The following DGLUCY variants were observed in gnomAD, a reference collection of about 807,000 sequenced individuals.
DGLUCY encodes D-glutamate cyclase, also known as D-glutamate cyclase, mitochondrial.
A neutral mutation model predicts 58.5 loss-of-function variants in DGLUCY; 58 were observed. The observed-to-expected ratio is 0.99, with a 90% confidence interval of 0.80 to 1.23. DGLUCY has a LOEUF of 1.23. Among genes scored for constraint, DGLUCY ranks in the 50% most tolerant of loss-of-function variants. DGLUCY has a pLI of 0.00. For synonymous variants in DGLUCY, 325 were observed against 314.1 expected, an observed-to-expected ratio of 1.03 and a Z score of -0.37; for missense variants, 779 against 784.7, an observed-to-expected ratio of 0.99 and a Z score of 0.09.
chr14:91,092,976 C>T (rs1284531727), intron 1 of DGLUCY, among the ~76,000 whole-genome samples: 2 of 151,106 alleles, frequency 1.3e-5, no homozygotes, highest in South Asian at 2.1e-4. Flanking sequence ...CCCAGCTACT[C>T]GGGAGGCTGA....
intron 1 of DGLUCY, among the ~76,000 whole-genome samples, chr14:91,084,840 A>G (rs1300059372): frequency 7.9e-5 from 12 of 152,156 alleles, no homozygotes; most frequent in Admixed American, 7.9e-4. Context: ...TTTTGTACTC[A>G]TGATGCTTAT....
chr14:91,125,281 C>T (rs1414000546), intron 1 of DGLUCY, among the ~76,000 whole-genome samples: 7 of 152,270 alleles, frequency 4.6e-5, no homozygotes, highest in South Asian at 2.1e-4. Context: ...TTTACGGCAC[C>T]GGGGAACAAG....
chr14:91,138,828 C>T (rs1345133182), intron 1 of DGLUCY, among the ~76,000 whole-genome samples: 3 of 152,058 alleles, frequency 2.0e-5, no homozygotes, highest in Admixed American at 6.6e-5. Context: ...TGGATGGGGA[C>T]ACAGAGCCAG....
chr14:91,182,130 G>A (rs1247639822), intron 8 of DGLUCY, among the ~76,000 whole-genome samples: 1 of 151,646 alleles, frequency 6.6e-6, no homozygotes, highest in African/African-American at 2.4e-5. Flanking sequence ...ATAGGCATGT[G>A]CCACCCCACC....
At chr14:91,183,746 G>A (rs1421985134) in intron 8 of DGLUCY, among the ~76,000 whole-genome samples, 1 of 152,198 alleles carries the variant, frequency 6.6e-6, no homozygotes, top group East Asian at 1.9e-4. Context: ...TACCTAGTAG[G>A]TGGTCAGGGC....
intron 1 of DGLUCY, among the ~76,000 whole-genome samples, chr14:91,089,268 G>A (rs1250317421): frequency 6.6e-6 from 1 of 152,184 alleles, no homozygotes; most frequent in African/African-American, 2.4e-5. Flanking sequence ...CAACTCAGGA[G>A]CCGGTGGCAG....
intron 1 of DGLUCY, chr14:91,147,876 TAAAGA>T (rs2047095409): frequency 6.6e-6 from 1 of 152,212 alleles, no homozygotes; most frequent in Non-Finnish European, 1.5e-5. Flanking sequence ...TATTCTCAAT[TAAAGA>T]AACACAGACG....
At position 91,224,673 on chromosome 14, in the gene DGLUCY, T is replaced by C. The variant is rs1054027505; in HGVS notation, c.1717-11T>C. On this transcript the variant is annotated splice_polypyrimidine_tract_variant and intron_variant, in intron 13 of 13. Coordinates refer to ENST00000256324, the MANE Select transcript of DGLUCY (RefSeq NM_001102368.3). ...CTCCACTCCTTCTATTTCTGCCCTATTTTTTTCCAGGAAGAAAAAATGCTG... is the reference window on the plus strand; with the variant it reads ...CTCCACTCCTTCTATTTCTGCCCTACTTTTTTCCAGGAAGAAAAAATGCTG... 1.0e-5 allele frequency: 16 copies of C among 1,582,354 alleles called. No individual in the cohort carries two copies. Among genetic ancestry groups the C allele is most frequent in the Non-Finnish European group, 1.3e-5 (15 of 1,157,194 alleles).
At chr14:91,061,786 C>G (rs955291800) in intron 1 of DGLUCY, among the ~76,000 whole-genome samples, 1 of 152,112 alleles carries the variant, frequency 6.6e-6, no homozygotes, top group Non-Finnish European at 1.5e-5. Context: ...TAATGGGGAA[C>G]TAGGGATGCT....
intron 3 of DGLUCY, among the ~76,000 whole-genome samples, chr14:91,164,809 G>A (rs2048185086): frequency 6.6e-6 from 1 of 152,190 alleles, no homozygotes; most frequent in Admixed American, 6.5e-5. Flanking sequence ...ACAGCACTGG[G>A]TCTTGCCCAA....
chr14:91,181,117 T>G, intron 7 of DGLUCY, 69 bp from the exon 8 acceptor site: 1 of 1,465,592 alleles, frequency 6.8e-7, no homozygotes, highest in African/African-American at 1.4e-5. Context: ...CTATCAACAG[T>G]GGGCTAGATG....
At chr14:91,142,081 G>A (rs191894091) in intron 1 of DGLUCY, among the ~76,000 whole-genome samples, 1 of 152,100 alleles carries the variant, frequency 6.6e-6, no homozygotes, top group Admixed American at 6.5e-5. Context: ...CCTGACCTCA[G>A]GTGATCCATC....
intron 8 of DGLUCY, among the ~76,000 whole-genome samples, chr14:91,184,089 C>T (rs928790249): frequency 2.0e-5 from 3 of 152,032 alleles, no homozygotes; most frequent in Admixed American, 2.0e-4. Context: ...GGCCGACCTC[C>T]GTGGAGAGCT....
At chr14:91,086,327 CT>C in intron 1 of DGLUCY, among the ~76,000 whole-genome samples, 1 of 152,306 alleles carries the variant, frequency 6.6e-6, no homozygotes, top group East Asian at 1.9e-4. Flanking sequence ...CCCCGACCCC[CT>C]GCCTGGTCCA....
intron 8 of DGLUCY, among the ~76,000 whole-genome samples, chr14:91,183,428 G>A (rs2049303962): frequency 6.6e-6 from 1 of 152,208 alleles, no homozygotes; most frequent in African/African-American, 2.4e-5. Flanking sequence ...ACCTGCCATT[G>A]TGTGTGGTAA....
intron 1 of DGLUCY, among the ~76,000 whole-genome samples, chr14:91,130,567 A>G (rs911169828): frequency 6.6e-6 from 1 of 151,958 alleles, no homozygotes; most frequent in Non-Finnish European, 1.5e-5. Context: ...TGGCCTCCCA[A>G]ATTGCTGGGA....
At chr14:91,087,318 C>T (rs764688773) in intron 1 of DGLUCY, among the ~76,000 whole-genome samples, 1 of 152,184 alleles carries the variant, frequency 6.6e-6, no homozygotes, top group African/African-American at 2.4e-5. Context: ...CAGAACCCCC[C>T]CTGTCTGATG....
chr14:91,173,267 A>G, intron 5 of DGLUCY, 22 bp from the exon 6 acceptor site: 1 of 1,420,370 alleles, frequency 7.0e-7, no homozygotes, highest in South Asian at 1.2e-5. Context: ...TTTTCACTTG[A>G]TTTTTTTTTT....
At chr14:91,077,762 A>AAG (rs1418897899) in intron 1 of DGLUCY, among the ~76,000 whole-genome samples, 1 of 130,134 alleles carries the variant, frequency 7.7e-6, no homozygotes, top group South Asian at 2.6e-4. Context: ...AAAAAAAAAA[A>AAG]AGAGAGAGAG....
Sources: allele counts gnomAD v4.1 joint callset (sites outside exome capture counted in the v4.1 genomes callset), GRCh38; gene constraint gnomAD v4.1.1; transcripts MANE v1.5; gene names NCBI Gene and HGNC (gene_info 2026-07-23, HGNC 2026-07-21).